The following GNMT variants were observed in gnomAD, a reference collection of about 807,000 sequenced individuals.
GNMT encodes the protein glycine N-methyltransferase.
GNMT carries 26 observed loss-of-function variants against 30.2 expected under a neutral mutation model. That is an observed-to-expected ratio of 0.86 (90% CI 0.63 to 1.19). The LOEUF is 1.19. GNMT is among the 50% of genes most tolerant of loss of function. GNMT has a pLI of 0.00. For synonymous variants in GNMT, 163 were observed against 163.8 expected (o/e 1.00, Z 0.04); for missense variants, 365 against 398.1 (o/e 0.92, Z 0.71).
In GNMT at chr6:42,963,030, C is replaced by A. The variant is rs201556777; in HGVS notation, c.452-42C>A. On this transcript the variant is annotated intron_variant, in intron 3 of 5. Coordinates refer to ENST00000372808, the MANE Select transcript of GNMT (RefSeq NM_018960.6). ...ATGGGAGGGAGACTGGTGCTGGGGG[C>A]CCTGAGCAGATGGAGTCTTTCTGCC... 3,028 of 1,609,790 alleles carry A rather than the reference C, an allele frequency of 1.9e-3. 3 individuals carry two copies. The highest frequency in any genetic ancestry group is 2.1e-3 in the Non-Finnish European group (2,492 of 1,179,246).
intron 1 of GNMT, among the ~76,000 whole-genome samples, chr6:42,961,780 C>T (rs1316332718): frequency 1.3e-5 from 2 of 152,016 alleles, no homozygotes; most frequent in Non-Finnish European, 2.9e-5. Context: ...GTCTCGATCT[C>T]CTGACCTTGT....
At chr6:42,961,672 G>A (rs959020495) in intron 1 of GNMT, among the ~76,000 whole-genome samples, 1 of 150,364 alleles carries the variant, frequency 6.7e-6, no homozygotes, top group African/African-American at 2.4e-5. Flanking sequence ...TCCTGCCTCA[G>A]CCTCCCGAGT....
chr6:42,962,838 C>T lies in GNMT; in HGVS notation c.411C>T (p.Ile137=), dbSNP rs190613711. The change falls in exon 3 of 6, where the codon ATC becomes ATT. Residue 137 remains isoleucine, a synonymous_variant. Coordinates refer to ENST00000372808, the MANE Select transcript of GNMT (RefSeq NM_018960.6). ...CAGAGGGTGGCTTTGATGCTGTCAT[C>T]TGCCTTGGAAACAGTTTCGCTCACT... ...QSAEGGFDAV[I]CLGNSFAHLP... 2.0e-4 allele frequency: 330 copies of T among 1,614,162 alleles called. 3 individuals carry two copies. The East Asian group carries it at 3.7e-3, about 18-fold the overall frequency.
intron 2 of GNMT, 44 bp downstream of exon 2, chr6:42,962,383 C>G (rs749747704): frequency 6.2e-7 from 1 of 1,609,160 alleles, no homozygotes; most frequent in Non-Finnish European, 8.5e-7. Flanking sequence ...TCACCAGGAA[C>G]ACTGTTCATT....
intron 1 of GNMT, 22 bp from the exon 2 acceptor site, chr6:42,962,190 T>C (rs1191088021): frequency 2.5e-6 from 4 of 1,613,788 alleles, no homozygotes; most frequent in Non-Finnish European, 3.4e-6. Flanking sequence ...TCTCTCTGCC[T>C]CTCCTCGCTG....
chr6:42,961,337 A>G (rs1221749962), intron 1 of GNMT, among the ~76,000 whole-genome samples: 2 of 152,164 alleles, frequency 1.3e-5, no homozygotes, highest in African/African-American at 4.8e-5. Flanking sequence ...AACATTGCTC[A>G]ACATTTGCAC....
At chr6:42,962,979 C>T in intron 3 of GNMT, 93 bp from the exon 4 acceptor site, 1 of 1,591,890 alleles carries the variant, frequency 6.3e-7, no homozygotes, top group Non-Finnish European at 8.6e-7. Context: ...TCTGCCTTGG[C>T]TCTGGCACCC....
At position 42,963,570 on chromosome 6, in the gene GNMT, C is replaced by T. The variant is rs779879619; in HGVS notation, c.752C>T (p.Ala251Val). Residue 251 changes from alanine (A) to valine (V), a missense_variant, in exon 6 of 6, where the codon GCA becomes GTA. This residue lies in a region of GNMT where 232 missense variants were observed against 263.0 expected (regional missense o/e 0.88). Coordinates refer to ENST00000372808, the MANE Select transcript of GNMT (RefSeq NM_018960.6). ...FRLSYYPHCL[A>V]SFTELLQAAF... ...CTCTCCTACTACCCACACTGTCTGG[C>T]ATCCTTCACGGAGCTGCTCCAAGCA... is the stretch of plus-strand genomic sequence containing the variant. The T allele has an allele frequency of 6.8e-6, 11 of 1,614,176 alleles. No homozygotes were observed. Among genetic ancestry groups the T allele is most frequent in the Middle Eastern group, 1.6e-4 (1 of 6,062 alleles).
intron 1 of GNMT, 36 bp downstream of exon 1, chr6:42,961,009 A>T (rs764259104): frequency 6.7e-7 from 1 of 1,500,120 alleles, no homozygotes; most frequent in South Asian, 1.2e-5. Flanking sequence ...GTTGCATGAG[A>T]TCGGGGTCTG....
Position 42,962,773 on chromosome 6 carries a change from G to GC in GNMT, c.348dup (p.Asn117GlnfsTer18). 6.2e-7 allele frequency: 1 copy of GC among 1,613,512 alleles called. No individual in the cohort carries two copies. Among genetic ancestry groups the GC allele is most frequent in the Non-Finnish European group, 8.5e-7 (1 of 1,179,400 alleles). ...TTCCTGACCCCTAGTCATCGAAGAAGCCAACTGGATGACTCTGGACAAAGA... is the reference window on the plus strand; with the variant it reads ...TTCCTGACCCCTAGTCATCGAAGAAGCCCAACTGGATGACTCTGGACAAAGA... On this transcript the variant is annotated frameshift_variant, in exon 3 of 6. Coordinates refer to ENST00000372808, the MANE Select transcript of GNMT (RefSeq NM_018960.6). LOFTEE classifies it high-confidence loss of function.
chr6:42,962,852 G>A lies in GNMT; in HGVS notation c.425G>A (p.Ser142Asn). 1 of 1,614,058 alleles carries A rather than the reference G, an allele frequency of 6.2e-7. No homozygotes were observed. Residue 142 changes from serine to asparagine, a missense_variant, in exon 3 of 6, where the codon AGT (serine) becomes AAT (asparagine). Ser to Asn is a conservative substitution (Grantham distance 46, BLOSUM62 1). This residue lies in a region of GNMT where 232 missense variants were observed against 263.0 expected (regional missense o/e 0.88). Transcript: ENST00000372808. Reference sequence around the variant, plus strand: ...GATGCTGTCATCTGCCTTGGAAACAGTTTCGCTCACTTGCCAGACTGCAAA... The same window carrying A: ...GATGCTGTCATCTGCCTTGGAAACAATTTCGCTCACTTGCCAGACTGCAAA... ...GFDAVICLGN[S>N]FAHLPDCKGD...
intron 3 of GNMT, 45 bp downstream of exon 3, chr6:42,962,923 C>T: frequency 6.3e-7 from 1 of 1,575,066 alleles, no homozygotes. Context: ...CCTTGAGGCC[C>T]CCTTCCACAG....
intron 4 of GNMT, 48 bp downstream of exon 4, chr6:42,963,262 G>C: frequency 2.0e-6 from 2 of 1,002,708 alleles, no homozygotes; most frequent in Non-Finnish European, 2.8e-6. Context: ...GGGTGGGGTG[G>C]AGGGAGGGTC....
intron 4 of GNMT, 54 bp from the exon 5 acceptor site, chr6:42,963,274 A>G: frequency 6.4e-7 from 1 of 1,557,874 alleles, no homozygotes; most frequent in Non-Finnish European, 8.7e-7. Context: ...GGGAGGGTCC[A>G]GTGGCCCCAA....
rs1206896233 is a variant in GNMT at position 42,963,605 on chromosome 6, G to C, written c.787G>C (p.Gly263Arg). The C allele has an allele frequency of 1.2e-6, 2 of 1,614,188 alleles. No homozygotes were observed. The highest frequency in any genetic ancestry group is 1.7e-6 in the Non-Finnish European group (2 of 1,180,024). ...FTELLQAAFG[G>R]KCQHSVLGDF... ...GGAGCTGCTCCAAGCAGCCTTCGGA[G>C]GTAAGTGCCAGCACAGCGTCCTGGG... is the stretch of plus-strand genomic sequence containing the variant. The change falls in exon 6 of 6, where the codon GGT (glycine) becomes CGT (arginine). Residue 263 changes from glycine (G) to arginine (R), a missense_variant. Gly to Arg is a moderately radical substitution (Grantham distance 125, BLOSUM62 -2). Coordinates refer to ENST00000372808, the MANE Select transcript of GNMT (RefSeq NM_018960.6).
chr6:42,962,383 C>T (rs749747704), intron 2 of GNMT, 44 bp downstream of exon 2: 6 of 1,609,042 alleles, frequency 3.7e-6, no homozygotes, highest in Admixed American at 1.7e-5. Flanking sequence ...TCACCAGGAA[C>T]ACTGTTCATT....
intron 2 of GNMT, 138 bp from the exon 3 acceptor site, chr6:42,962,624 C>G: frequency 1.2e-6 from 1 of 809,778 alleles, no homozygotes; most frequent in Non-Finnish European, 2.2e-6. Context: ...CCCTTGATCC[C>G]TCTTTTCTCC....
chr6:42,963,390 G>T lies in GNMT; in HGVS notation c.657G>T (p.Val219=), dbSNP rs777175305. 1 of 1,613,938 alleles carries T rather than the reference G, an allele frequency of 6.2e-7. No individual in the cohort carries two copies. Among genetic ancestry groups the T allele is most frequent in the Middle Eastern group, 1.6e-4 (1 of 6,062 alleles). The part of the protein sequence containing the change: ...VLIVNNKAHM[V]TLDYTVQVPG... ...TAGTGAACAACAAGGCCCACATGGT[G>T]ACCCTGGACTATACGGTGCAGGTGC... The change falls in exon 5 of 6, where the codon GTG becomes GTT. Residue 219 remains valine (V), a synonymous_variant. Transcript: ENST00000372808.
intron 3 of GNMT, 23 bp downstream of exon 3, chr6:42,962,901 G>A: frequency 6.3e-7 from 1 of 1,594,748 alleles, no homozygotes. Context: ...GTGGCCTTGG[G>A]CATGGCCCCC....
Sources: gnomAD v4.1 joint callset for allele counts (sites outside exome capture counted in the v4.1 genomes callset) on GRCh38, gnomAD v4.1.1 for gene constraint, gnomAD v4.1.1 regional missense constraint, MANE v1.5 for transcripts, NCBI Gene and HGNC (gene_info 2026-07-23, HGNC 2026-07-21) for gene names.